The following ROBO2 variants were observed in gnomAD, a reference collection of about 807,000 sequenced individuals.
The protein encoded by ROBO2 is roundabout guidance receptor 2, also known as roundabout homolog 2.
In ROBO2, 53 loss-of-function variants were observed where a neutral mutation model predicts 160.8. That is an observed-to-expected ratio of 0.33 (90% CI 0.26 to 0.41). The LOEUF is 0.41. Ranked by LOEUF, ROBO2 falls within the 10% of genes least tolerant of loss-of-function variation. ROBO2 has a pLI of 1.00. For missense variants in ROBO2, 1,577 were observed against 1,722.4 expected, an observed-to-expected ratio of 0.92 and a Z score of 1.49; for synonymous variants, 664 against 611.7, an observed-to-expected ratio of 1.09 and a Z score of -1.26.
chr3:76,091,967 A>G (rs186628156), intron 2 of ROBO2, among the ~76,000 whole-genome samples: 1 of 143,094 alleles, frequency 7.0e-6, no homozygotes, highest in African/African-American at 2.7e-5. Context: ...TTTTTAGGAC[A>G]GTGAAATTAT....
chr3:76,552,059 A>G (rs937110228), intron 2 of ROBO2, among the ~76,000 whole-genome samples: 10 of 152,140 alleles, frequency 6.6e-5, no homozygotes, highest in African/African-American at 2.2e-4. Context: ...TGGCACGGCA[A>G]CACCCCACGG....
At chr3:76,058,882 G>A (rs959848260) in intron 2 of ROBO2, among the ~76,000 whole-genome samples, 20 of 140,500 alleles carry the variant, frequency 1.4e-4, no homozygotes, top group African/African-American at 5.4e-4. Context: ...TCCCACCTAT[G>A]AGTGAGAACA....
At chr3:76,170,223 G>A (rs1253574109) in intron 2 of ROBO2, among the ~76,000 whole-genome samples, 2 of 152,084 alleles carry the variant, frequency 1.3e-5, no homozygotes, top group Non-Finnish European at 2.9e-5. Flanking sequence ...TTAATAGAAT[G>A]GTAAAATAGC....
At chr3:77,326,680 C>T (rs1008966903) in intron 2 of ROBO2, among the ~76,000 whole-genome samples, 7 of 152,026 alleles carry the variant, frequency 4.6e-5, no homozygotes, top group African/African-American at 1.4e-4. Context: ...TTCTCTAATT[C>T]GAGCTCAGTA....
chr3:76,595,906 C>T (rs982377642), intron 2 of ROBO2, among the ~76,000 whole-genome samples: 5 of 151,028 alleles, frequency 3.3e-5, no homozygotes, highest in South Asian at 2.1e-4. Context: ...CCGTGAGCCA[C>T]GTAACTACTT....
intron 2 of ROBO2, among the ~76,000 whole-genome samples, chr3:76,280,999 A>C (rs1708203386): frequency 6.6e-6 from 1 of 151,992 alleles, no homozygotes; most frequent in Non-Finnish European, 1.5e-5. Context: ...TGAAAGCTTG[A>C]AAGTCACTTA....
chr3:76,581,646 A>G (rs1300778167), intron 2 of ROBO2, among the ~76,000 whole-genome samples: 1 of 152,066 alleles, frequency 6.6e-6, no homozygotes, highest in Non-Finnish European at 1.5e-5. Context: ...CAAAAAATTC[A>G]TCATGGTAGC....
intron 2 of ROBO2, among the ~76,000 whole-genome samples, chr3:77,374,411 G>A (rs1330199191): frequency 6.6e-6 from 1 of 152,008 alleles, no homozygotes; most frequent in Non-Finnish European, 1.5e-5. Flanking sequence ...ATAGATAACT[G>A]TTGACAAGTA....
intron 2 of ROBO2, among the ~76,000 whole-genome samples, chr3:76,152,187 C>A (rs2072236852): frequency 6.6e-6 from 1 of 152,142 alleles, no homozygotes; most frequent in South Asian, 2.1e-4. Context: ...GGGAGCTAAG[C>A]CATCAGGCTA....
At chr3:77,101,815 G>A (rs2071972770) in intron 2 of ROBO2, among the ~76,000 whole-genome samples, 1 of 152,170 alleles carries the variant, frequency 6.6e-6, no homozygotes, top group Admixed American at 6.5e-5. Flanking sequence ...CCAGGTGGGT[G>A]GATCACTTGA....
chr3:76,310,608 G>A (rs1164321192), intron 2 of ROBO2, among the ~76,000 whole-genome samples: 1 of 152,190 alleles, frequency 6.6e-6, no homozygotes, highest in East Asian at 1.9e-4. Flanking sequence ...ACGAGGTGAA[G>A]TAAAGGAAAA....
At chr3:77,422,653 G>A (rs1385299162) in intron 2 of ROBO2, among the ~76,000 whole-genome samples, 1 of 152,144 alleles carries the variant, frequency 6.6e-6, no homozygotes, top group Non-Finnish European at 1.5e-5. Context: ...CATAGCTAAT[G>A]TGTTCTTTAC....
rs989635990 is a variant in ROBO2, at chr3:76,346,834, G to C, written c.109+409232G>C. Among the ~76,000 whole-genome samples the C allele has an allele frequency of 2.6e-5, 4 of 152,106 alleles. 1 individual carries two copies. The South Asian group carries it at 8.3e-4, about 31-fold the overall frequency. The stretch of plus-strand genomic sequence containing the variant: ...ATACTCACTGAGTGACAACATGAAA[G>C]CAAAATAAATTACTCTGTATGCTCC... On this transcript the variant is annotated intron_variant, in intron 2 of 26. Transcript: ENST00000487694.
At chr3:76,332,962 A>C (rs1200739100) in intron 2 of ROBO2, among the ~76,000 whole-genome samples, 2 of 152,192 alleles carry the variant, frequency 1.3e-5, no homozygotes, top group African/African-American at 4.8e-5. Flanking sequence ...AAACAAATTG[A>C]TGAACCCCCC....
At chr3:77,000,155 C>A (rs1160429574) in intron 2 of ROBO2, among the ~76,000 whole-genome samples, 2 of 152,104 alleles carry the variant, frequency 1.3e-5, no homozygotes, top group Non-Finnish European at 2.9e-5. Context: ...TCCCCAAGAC[C>A]TATAAGAACA....
chr3:76,798,506 G>A (rs2063948249), intron 2 of ROBO2, among the ~76,000 whole-genome samples: 1 of 152,190 alleles, frequency 6.6e-6, no homozygotes, highest in Non-Finnish European at 1.5e-5. Context: ...CATTTGAACT[G>A]AATGAAGAAC....
chr3:77,493,632 A>T (rs912030456), intron 5 of ROBO2, among the ~76,000 whole-genome samples: 3 of 152,116 alleles, frequency 2.0e-5, no homozygotes, highest in Non-Finnish European at 4.4e-5. Context: ...CCAGATACCA[A>T]GGATTCCTGG....
intron 2 of ROBO2, among the ~76,000 whole-genome samples, chr3:76,259,496 A>G (rs993383098): frequency 2.0e-5 from 3 of 152,098 alleles, no homozygotes; most frequent in African/African-American, 7.2e-5. Flanking sequence ...ATAGATTCTC[A>G]TGTGTCCATA....
At chr3:76,513,740 C>T (rs1450041817) in intron 2 of ROBO2, among the ~76,000 whole-genome samples, 1 of 152,062 alleles carries the variant, frequency 6.6e-6, no homozygotes, top group East Asian at 1.9e-4. Context: ...GTATAATAAA[C>T]TCCATATGTC....
Sources: gnomAD v4.1 joint callset for allele counts (sites outside exome capture counted in the v4.1 genomes callset) on GRCh38, gnomAD v4.1.1 for gene constraint, MANE v1.5 for transcripts, NCBI Gene and HGNC (gene_info 2026-07-23, HGNC 2026-07-21) for gene names.